Variants in NEGR1 observed in about 807,000 individuals in gnomAD.
The protein encoded by NEGR1 is neuronal growth regulator 1.
In NEGR1, 10 loss-of-function variants were observed where a neutral mutation model predicts 40.9. The observed-to-expected ratio is 0.24, with a 90% CI of 0.15 to 0.42. The LOEUF (loss-of-function observed/expected upper bound fraction) is 0.42, where lower values mean the gene tolerates loss of function less well. Ranked by LOEUF, NEGR1 falls within the 10% of genes least tolerant of loss-of-function variation. The probability of loss-of-function intolerance (pLI) is 1.00; values close to 1 mark genes in which losing one functional copy is unlikely to be tolerated. For synonymous variants in NEGR1, 185 were observed against 166.8 expected (o/e 1.11, Z -0.84); for missense variants, 352 against 438.9 (o/e 0.80, Z 1.77).
intron 4 of NEGR1, among the ~76,000 whole-genome samples, chr1:71,636,083 T>A (rs964073740): frequency 6.6e-6 from 1 of 152,222 alleles, no homozygotes; most frequent in Middle Eastern, 3.4e-3. Context: ...AAATGTTTCA[T>A]CGTTTTAAAA....
At chr1:71,745,400 A>G (rs193137166) in intron 3 of NEGR1, among the ~76,000 whole-genome samples, 8 of 152,140 alleles carry the variant, frequency 5.3e-5, no homozygotes, top group Admixed American at 2.0e-4. Context: ...TTCTAAACAT[A>G]AAGCTTTGTT....
intron 3 of NEGR1, among the ~76,000 whole-genome samples, chr1:71,736,796 T>C (rs975450768): frequency 6.6e-6 from 1 of 152,186 alleles, no homozygotes; most frequent in Non-Finnish European, 1.5e-5. Context: ...TGCTGAAGAA[T>C]TGAATGCATT....
At chr1:72,261,848 T>A (rs900941357) in intron 1 of NEGR1, among the ~76,000 whole-genome samples, 2 of 152,028 alleles carry the variant, frequency 1.3e-5, no homozygotes, top group South Asian at 4.1e-4. Flanking sequence ...ATGATAGACA[T>A]TGGAGATCCC....
intron 4 of NEGR1, among the ~76,000 whole-genome samples, chr1:71,621,668 T>C (rs1347837774): frequency 6.6e-6 from 1 of 151,922 alleles, no homozygotes; most frequent in Non-Finnish European, 1.5e-5. Flanking sequence ...ATTCTGATTT[T>C]AGGAGGATGA....
chr1:71,414,451 T>A (rs191159218), intron 6 of NEGR1, among the ~76,000 whole-genome samples: 1 of 152,284 alleles, frequency 6.6e-6, no homozygotes, highest in Non-Finnish European at 1.5e-5. Context: ...GCAGATGGGA[T>A]ATGCTTTTCC....
Position 71,405,064 on chromosome 1 carries a change from T to C in NEGR1, c.*2382A>G, listed in dbSNP as rs938292671. On this transcript the variant is annotated 3_prime_UTR_variant, in exon 7 of 7. Coordinates refer to ENST00000357731, the MANE Select transcript of NEGR1 (RefSeq NM_173808.3). Reference sequence around the variant, plus strand: ...AGTGAATACCTCCTCTATTTAAAAATGTCACTCAAGAAAGTCTCTTCTAAC... The same window carrying C: ...AGTGAATACCTCCTCTATTTAAAAACGTCACTCAAGAAAGTCTCTTCTAAC... The C allele has an allele frequency of 5.3e-5, 8 of 152,076 alleles. No individual in the cohort carries two copies. The highest frequency in any genetic ancestry group is 1.9e-4 in the African/African-American group (8 of 41,416). The allele number at this position is 152,076 out of a possible 1,614,324, so 9.4% of individuals were successfully genotyped here.
chr1:72,004,726 T>C (rs1190844059), intron 1 of NEGR1, among the ~76,000 whole-genome samples: 1 of 152,166 alleles, frequency 6.6e-6, no homozygotes, highest in African/African-American at 2.4e-5. Context: ...ATAACTATTA[T>C]CTTCGTTTTT....
chr1:72,274,450 T>A lies in NEGR1; in HGVS notation c.176+7869A>T. 1.3e-5 allele frequency: 7 copies of A among 557,004 alleles called. 1 individual carries two copies. The highest frequency in any genetic ancestry group is 1.2e-4 in the South Asian group (6 of 48,936). 34.5% of individuals were successfully genotyped at this position (557,004 alleles called of 1,614,324 possible). ...GACAGATGGCACACAACTGTATGGATCCAGCTCTTGAGCAGCAGAAGCACA... is the reference window on the plus strand; with the variant it reads ...GACAGATGGCACACAACTGTATGGAACCAGCTCTTGAGCAGCAGAAGCACA... On this transcript the variant is annotated intron_variant, in intron 1 of 6. Coordinates refer to ENST00000357731, the MANE Select transcript of NEGR1 (RefSeq NM_173808.3).
intron 1 of NEGR1, among the ~76,000 whole-genome samples, chr1:72,161,676 C>CTTTTTTTTTTTTTTTTTTTTTTTTTTT (rs779074685): frequency 3.5e-5 from 3 of 84,570 alleles, no homozygotes; most frequent in African/African-American, 1.0e-4. Context: ...TTCTTTCTTT[C>CTTTTTTTTTTTTTTTTTTTTTTTTTTT]TTTTTTTTTT....
At chr1:71,946,931 C>T (rs1646024868) in intron 1 of NEGR1, among the ~76,000 whole-genome samples, 1 of 151,252 alleles carries the variant, frequency 6.6e-6, no homozygotes, top group South Asian at 2.1e-4. Flanking sequence ...AATTACATAA[C>T]TTAGCTAGAC....
intron 1 of NEGR1, among the ~76,000 whole-genome samples, chr1:72,214,332 T>G (rs1425908121): frequency 6.6e-6 from 1 of 152,016 alleles, no homozygotes; most frequent in Non-Finnish European, 1.5e-5. Flanking sequence ...CTCTCACCAC[T>G]CCTATTCAAC....
At chr1:72,129,378 C>A (rs963400044) in intron 1 of NEGR1, among the ~76,000 whole-genome samples, 1 of 151,990 alleles carries the variant, frequency 6.6e-6, no homozygotes, top group Admixed American at 6.6e-5. Flanking sequence ...AATATATAAC[C>A]TAGAGCAAAA....
At position 71,405,647 on chromosome 1, in the gene NEGR1, T is replaced by TA. The variant is rs1646273750; in HGVS notation, c.*1798dup. 6.6e-6 allele frequency: 1 copy of TA among 151,818 alleles called. No homozygotes were observed. Among genetic ancestry groups the TA allele is most frequent in the African/African-American group, 2.4e-5 (1 of 41,304 alleles). The allele number at this position is 151,818 out of a possible 1,614,324, so 9.4% of individuals were successfully genotyped here. A position where few individuals can be genotyped will look rare whatever the true frequency, so the allele number is the denominator to read the frequency against. On this transcript the variant is annotated 3_prime_UTR_variant, in exon 7 of 7. Transcript: ENST00000357731. The stretch of plus-strand genomic sequence containing the variant: ...CTCATTTAAGATTCATTTTTCTAAT[T>TA]AAAATTGATTTATGATGTACTTTGG...
chr1:71,529,737 A>G (rs1316238194), intron 6 of NEGR1, among the ~76,000 whole-genome samples: 1 of 151,146 alleles, frequency 6.6e-6, no homozygotes, highest in African/African-American at 2.4e-5. Context: ...CAGCACAACA[A>G]TTACAATAAA....
At chr1:71,799,633 A>G (rs1657480325) in intron 2 of NEGR1, among the ~76,000 whole-genome samples, 1 of 152,154 alleles carries the variant, frequency 6.6e-6, no homozygotes, top group Non-Finnish European at 1.5e-5. Flanking sequence ...GCCTTCCACA[A>G]TGGCTGAAAT....
chr1:72,242,001 C>T (rs986430670), intron 1 of NEGR1, among the ~76,000 whole-genome samples: 2 of 151,352 alleles, frequency 1.3e-5, no homozygotes, highest in Non-Finnish European at 3.0e-5. Context: ...TATCTGCTTT[C>T]CTTTCCCAAA....
chr1:71,947,089 TACAC>T (rs3078155), intron 1 of NEGR1, among the ~76,000 whole-genome samples: 21,131 of 128,846 alleles, frequency 0.16, 1,808 homozygotes, highest in South Asian at 0.27. Flanking sequence ...TCCTGTCTCA[TACAC>T]ACACACACAC....
intron 1 of NEGR1, among the ~76,000 whole-genome samples, chr1:72,021,118 T>TA (rs1270909153): frequency 6.6e-6 from 1 of 152,090 alleles, no homozygotes; most frequent in Non-Finnish European, 1.5e-5. Flanking sequence ...AAATCAAAAA[T>TA]AAAATATTAC....
intron 1 of NEGR1, among the ~76,000 whole-genome samples, chr1:72,023,274 A>G (rs1428928874): frequency 6.6e-6 from 1 of 152,102 alleles, no homozygotes; most frequent in Non-Finnish European, 1.5e-5. Context: ...TCGTACCCCG[A>G]GCACAGCCCT....
Sources: allele counts gnomAD v4.1 joint callset (sites outside exome capture counted in the v4.1 genomes callset), GRCh38; gene constraint gnomAD v4.1.1; transcripts MANE v1.5; gene names NCBI Gene and HGNC (gene_info 2026-07-23, HGNC 2026-07-21).